Variants in PDE4D observed in about 807,000 individuals in gnomAD.
The protein encoded by PDE4D is 3',5'-cyclic-AMP phosphodiesterase 4D.
PDE4D carries 24 observed loss-of-function variants against 87.4 expected under a neutral mutation model. That is an observed-to-expected ratio of 0.27 (90% CI 0.20 to 0.39). The LOEUF is 0.39. Among genes scored for constraint, PDE4D ranks in the 10% least tolerant of loss-of-function variants. PDE4D has a pLI of 1.00. For missense variants in PDE4D, 714 were observed against 1,041.0 expected (o/e 0.69, Z 4.32); for synonymous variants, 384 against 383.2 (o/e 1.00, Z -0.02).
rs138494705 is a variant in PDE4D at position 59,042,260 on chromosome 5, T to G, written c.809-3289A>C. 1.2e-4 allele frequency among the ~76,000 whole-genome samples: 19 copies of G among 152,326 alleles called. No homozygotes were observed. In the East Asian group the frequency reaches 3.7e-3, roughly 29 times the overall value. The stretch of plus-strand genomic sequence containing the variant: ...CTAGCCACGATTTTTCAGGATCATT[T>G]GTAAAGCTTCACTTTTAGGAATTTT... On this transcript the variant is annotated intron_variant, in intron 5 of 14. Transcript: ENST00000340635.
chr5:60,419,140 G>T (rs925674220), intron 1 of PDE4D, among the ~76,000 whole-genome samples: 1 of 152,238 alleles, frequency 6.6e-6, no homozygotes, highest in African/African-American at 2.4e-5. Context: ...GCACTTTTAT[G>T]AATGTATCCT....
rs368918566 is a variant in PDE4D at position 60,269,168 on chromosome 5, G to A, written c.-89-83481C>T. Among the ~76,000 whole-genome samples the A allele has an allele frequency of 7.7e-4, 117 of 152,262 alleles. 1 individual carries two copies. Among genetic ancestry groups the A allele is most frequent in the Middle Eastern group, 3.4e-3 (1 of 294 alleles). The stretch of plus-strand genomic sequence containing the variant: ...AAATATTTTAAAAAATTAGCTGGGC[G>A]TGGTGGCACATGCCTGTAGTCCCAG... On this transcript the variant is annotated intron_variant, in intron 1 of 16. Transcript: ENST00000502484.
chr5:59,391,579 G>A (rs1788253333), intron 1 of PDE4D, among the ~76,000 whole-genome samples: 1 of 152,110 alleles, frequency 6.6e-6, no homozygotes, highest in South Asian at 2.1e-4. Context: ...AGGAGTCAGA[G>A]GGATCTTGTT....
At chr5:60,092,500 G>C (rs886598846) in intron 2 of PDE4D, among the ~76,000 whole-genome samples, 4 of 152,054 alleles carry the variant, frequency 2.6e-5, no homozygotes, top group African/African-American at 9.7e-5. Flanking sequence ...TAATTACTCT[G>C]ATTTGATTAT....
intron 3 of PDE4D, among the ~76,000 whole-genome samples, chr5:59,959,462 A>G (rs1031883985): frequency 1.1e-4 from 16 of 152,180 alleles, no homozygotes; most frequent in African/African-American, 3.6e-4. Flanking sequence ...TTCAAATTAT[A>G]CTGCAAAACT....
chr5:59,577,366 T>G (rs1011501289), intron 1 of PDE4D, among the ~76,000 whole-genome samples: 2 of 152,040 alleles, frequency 1.3e-5, no homozygotes, highest in Admixed American at 1.3e-4. Context: ...GCCAAATACT[T>G]GAGAAAAGCA....
At chr5:60,172,132 TAA>T (rs1491128687) in intron 2 of PDE4D, among the ~76,000 whole-genome samples, 2 of 146,864 alleles carry the variant, frequency 1.4e-5, no homozygotes, top group East Asian at 3.9e-4. Flanking sequence ...ATATATAATA[TAA>T]TATATATATA....
chr5:59,658,182 T>A (rs947891057), intron 1 of PDE4D, among the ~76,000 whole-genome samples: 1 of 152,228 alleles, frequency 6.6e-6, no homozygotes, highest in African/African-American at 2.4e-5. Flanking sequence ...AATTTTTAAA[T>A]ATATCTTATT....
chr5:59,818,014 G>A (rs1428772375), intron 1 of PDE4D, among the ~76,000 whole-genome samples: 1 of 152,212 alleles, frequency 6.6e-6, no homozygotes, highest in Non-Finnish European at 1.5e-5. Context: ...GAGATCAAGA[G>A]AGGTGGTTAG....
At chr5:59,013,366 G>GT (rs1240451570) in intron 6 of PDE4D, among the ~76,000 whole-genome samples, 3 of 152,078 alleles carry the variant, frequency 2.0e-5, no homozygotes, top group Admixed American at 6.5e-5. Flanking sequence ...CCAGGAGCTG[G>GT]TTTTTTGAAA....
At chr5:59,619,819 A>G (rs1192731321) in intron 1 of PDE4D, among the ~76,000 whole-genome samples, 1 of 152,190 alleles carries the variant, frequency 6.6e-6, no homozygotes, top group Admixed American at 6.5e-5. Context: ...ATGTCAGTAT[A>G]TTTGGTGTAG....
At chr5:59,245,049 A>G (rs1758568993) in intron 1 of PDE4D, among the ~76,000 whole-genome samples, 1 of 152,096 alleles carries the variant, frequency 6.6e-6, no homozygotes, top group Non-Finnish European at 1.5e-5. Context: ...ATTCAATAGG[A>G]AACTACTTTT....
chr5:59,681,865 C>T (rs1580379989), intron 1 of PDE4D, among the ~76,000 whole-genome samples: 1 of 144,036 alleles, frequency 6.9e-6, no homozygotes, highest in South Asian at 2.2e-4. Flanking sequence ...GGAGTCACTG[C>T]ACTCCAGCCT....
chr5:59,192,922 TG>T (rs1744655945), intron 3 of PDE4D, among the ~76,000 whole-genome samples: 1 of 152,364 alleles, frequency 6.6e-6, no homozygotes, highest in African/African-American at 2.4e-5. Flanking sequence ...TGAGAAGTAT[TG>T]GTCTATACAT....
chr5:59,337,300 A>G (rs529276144), intron 1 of PDE4D, among the ~76,000 whole-genome samples: 1 of 149,492 alleles, frequency 6.7e-6, no homozygotes, highest in Non-Finnish European at 1.5e-5. Context: ...TGATGCTGGT[A>G]TAAGTGAAAG....
intron 6 of PDE4D, among the ~76,000 whole-genome samples, chr5:59,021,223 T>G (rs1376428710): frequency 6.6e-6 from 1 of 152,168 alleles, no homozygotes; most frequent in South Asian, 2.1e-4. Context: ...TATGGCTGTC[T>G]TCATATTCTT....
At chr5:59,043,363 A>C (rs1241157261) in intron 5 of PDE4D, among the ~76,000 whole-genome samples, 1 of 152,184 alleles carries the variant, frequency 6.6e-6, no homozygotes, top group Non-Finnish European at 1.5e-5. Context: ...CTCTACTAAA[A>C]ATACAAAATA....
intron 1 of PDE4D, among the ~76,000 whole-genome samples, chr5:59,616,945 A>ATATATATATATATATATG (rs936160133): frequency 7.3e-6 from 1 of 137,260 alleles, no homozygotes; most frequent in Non-Finnish European, 1.6e-5. Flanking sequence ...ATATATATAT[A>ATATATATATATATATATG]TCTCCAAGAT....
intron 1 of PDE4D, among the ~76,000 whole-genome samples, chr5:60,211,485 A>G (rs578194302): frequency 6.7e-6 from 1 of 149,546 alleles, no homozygotes; most frequent in African/African-American, 2.4e-5. Context: ...ATATATGTAT[A>G]TACAAATATA....
Sources: allele counts gnomAD v4.1 joint callset (sites outside exome capture counted in the v4.1 genomes callset), GRCh38; gene constraint gnomAD v4.1.1; transcripts MANE v1.5; gene names NCBI Gene and HGNC (gene_info 2026-07-23, HGNC 2026-07-21).